Variants in UNC119B observed in about 807,000 individuals in gnomAD.
The protein encoded by UNC119B is protein unc-119 homolog B.
Under a neutral mutation model 23.4 loss-of-function variants are expected in UNC119B, and 16 were observed. That is an observed-to-expected ratio of 0.68 (90% CI 0.46 to 1.04). The LOEUF (loss-of-function observed/expected upper bound fraction) is 1.04, where lower values mean the gene tolerates loss of function less well. Ranked by LOEUF, UNC119B falls within the 50% of genes least tolerant of loss-of-function variation. The pLI is 0.00. For synonymous variants in UNC119B, 144 were observed against 145.4 expected (o/e 0.99, Z 0.07); for missense variants, 350 against 361.3 (o/e 0.97, Z 0.25).
intron 2 of UNC119B, among the ~76,000 whole-genome samples, chr12:120,714,284 A>C (rs1420934174): frequency 6.6e-6 from 1 of 151,754 alleles, no homozygotes; most frequent in Non-Finnish European, 1.5e-5. Flanking sequence ...GCTCAAGTTC[A>C]TGGGTAATTT....
Position 120,716,614 on chromosome 12 carries a change from G to A in UNC119B, c.359-14G>A. On this transcript the variant is annotated splice_polypyrimidine_tract_variant and intron_variant, in intron 2 of 4. Transcript: ENST00000344651. ...GTCGAGATGGTGCACTGAAGATTCT[G>A]TGTGCTCTTTCAGACCAGGAGGAGG... 5 of 1,613,746 alleles carry A rather than the reference G, an allele frequency of 3.1e-6. No homozygotes were observed. The highest frequency in any genetic ancestry group is 3.4e-6 in the Non-Finnish European group (4 of 1,179,702).
chr12:120,717,255 GTTTGTT>G (rs758169372), intron 4 of UNC119B, among the ~76,000 whole-genome samples: 3 of 152,090 alleles, frequency 2.0e-5, no homozygotes, highest in African/African-American at 7.2e-5. Flanking sequence ...TGAAGGGTTT[GTTTGTT>G]TTTGTTTTTG....
chr12:120,720,025 G>A lies in UNC119B; in HGVS notation c.749G>A (p.Gly250Asp). The change falls in exon 5 of 5, where the codon GGC becomes GAC. Residue 250 changes from glycine (G) to aspartate (D), a missense_variant. Gly to Asp is a moderately conservative substitution (Grantham distance 94, BLOSUM62 -1). Coordinates refer to ENST00000344651, the MANE Select transcript of UNC119B (RefSeq NM_001080533.3). ...HNKADYAYNG[G>D]Q is the part of the protein sequence containing the mutation. ...AAGGCTGATTATGCCTATAATGGAG[G>A]CCAGTAAGTGCTGCAAGAGTAGATA... 1.9e-6 allele frequency: 3 copies of A among 1,612,002 alleles called. No homozygotes were observed. Among genetic ancestry groups the A allele is most frequent in the Non-Finnish European group, 2.5e-6 (3 of 1,178,246 alleles).
chr12:120,719,712 A>T (rs1882848813), intron 4 of UNC119B, among the ~76,000 whole-genome samples: 1 of 152,070 alleles, frequency 6.6e-6, no homozygotes, highest in Admixed American at 6.5e-5. Flanking sequence ...GTTGAAATGG[A>T]GATCATGTTC....
intron 4 of UNC119B, among the ~76,000 whole-genome samples, chr12:120,718,163 C>T (rs55647329): frequency 0.17 from 25,922 of 152,142 alleles, 2,479 homozygotes; most frequent in African/African-American, 0.26. Flanking sequence ...CCACTGCGCC[C>T]GGCCGGTCTG....
In UNC119B at chr12:120,716,730, T is replaced by C. The variant is rs747339592; in HGVS notation, c.461T>C (p.Val154Ala). 3.1e-6 allele frequency: 5 copies of C among 1,614,000 alleles called. No homozygotes were observed. Among genetic ancestry groups the C allele is most frequent in the Non-Finnish European group, 4.2e-6 (5 of 1,179,970 alleles). ...CCGGCATTTCTCCGCCTCCGGACAG[T>C]CGGGGCTACGTGAGTACCATTACTA... ...FTPAFLRLRT[V>A]GATVEFTVGD... is the part of the protein sequence containing the mutation. The change falls in exon 3 of 5, where the codon GTC (valine) becomes GCC (alanine). Residue 154 changes from valine (V) to alanine (A), a missense_variant. Physicochemically the swap from Val to Ala is moderately conservative, Grantham distance 64. Transcript: ENST00000344651.
In UNC119B at chr12:120,720,088, A is replaced by G; in HGVS notation, c.*56A>G. The G allele has an allele frequency of 1.5e-6, 2 of 1,338,344 alleles. No homozygotes were observed. Among genetic ancestry groups the G allele is most frequent in the Non-Finnish European group, 2.1e-6 (2 of 934,734 alleles). The allele number at this position is 1,338,344 out of a possible 1,614,324, so 82.9% of individuals were successfully genotyped here. ...TGCCGCGGCCACAAGATCCTGGCAC[A>G]CGGAGATGATCGAAGCTGCAGTTTG... On this transcript the variant is annotated 3_prime_UTR_variant, in exon 5 of 5. Transcript: ENST00000344651.
At chr12:120,718,499 C>T (rs892467948) in intron 4 of UNC119B, among the ~76,000 whole-genome samples, 2 of 151,824 alleles carry the variant, frequency 1.3e-5, no homozygotes, top group African/African-American at 2.4e-5. Context: ...GATTTTGGGG[C>T]AGGAGTGAGA....
Position 120,722,128 on chromosome 12 carries a change from T to C in UNC119B, c.*2096T>C, listed in dbSNP as rs1021047353. The C allele has an allele frequency of 4.6e-4, 70 of 152,292 alleles. No homozygotes were observed. Among genetic ancestry groups the C allele is most frequent in the African/African-American group, 1.6e-3 (65 of 41,456 alleles). 9.4% of individuals were successfully genotyped at this position (152,292 alleles called of 1,614,324 possible). A position where few individuals can be genotyped will look rare whatever the true frequency, so the allele number is the denominator to read the frequency against. On this transcript the variant is annotated 3_prime_UTR_variant, in exon 5 of 5. Transcript: ENST00000344651. ...GGGCACACTGTATCTGCTACATTAG[T>C]GGGCTATCTCTTATCTGCAGTGTTC... is the stretch of plus-strand genomic sequence containing the variant.
rs746655217 is a variant in UNC119B at position 120,713,356 on chromosome 12, A to G, written c.327A>G (p.Val109=). 2 of 1,614,148 alleles carry G rather than the reference A, an allele frequency of 1.2e-6. No individual in the cohort carries two copies. The highest frequency in any genetic ancestry group is 3.3e-5 in the Admixed American group (2 of 60,024). The change falls in exon 2 of 5, where the codon GTA becomes GTG. Residue 109 remains valine, a synonymous_variant. Transcript: ENST00000344651. ...TTCGAGATTTGGAGACAGGGACAGT[A>G]CTTTTTGAGATTGCCAAACCTTGCG... ...FKIRDLETGT[V]LFEIAKPCVS...
chr12:120,718,971 A>C (rs943342151), intron 4 of UNC119B, among the ~76,000 whole-genome samples: 2 of 152,236 alleles, frequency 1.3e-5, no homozygotes, highest in African/African-American at 4.8e-5. Flanking sequence ...TTGCAAGAAA[A>C]GATGATGTAT....
chr12:120,716,891 C>G lies in UNC119B; in HGVS notation c.492C>G (p.Asp164Glu), dbSNP rs1882791118. 3 of 1,611,782 alleles carry G rather than the reference C, an allele frequency of 1.9e-6. No homozygotes were observed. The African/African-American group carries it at 4.0e-5, about 22-fold the overall frequency. The change falls in exon 4 of 5, where the codon GAC becomes GAG. Residue 164 changes from aspartate to glutamate, a missense_variant. Asp to Glu is a conservative substitution (Grantham distance 45). Transcript: ENST00000344651. ...CCAGGGTGGAGTTCACAGTGGGAGACAAACCTGTTTCAAACTTCCGGATGA... is the reference window on the plus strand; with the variant it reads ...CCAGGGTGGAGTTCACAGTGGGAGAGAAACCTGTTTCAAACTTCCGGATGA... ...VGATVEFTVG[D>E]KPVSNFRMIE...
At chr12:120,711,492 T>G (rs1882668289) in intron 1 of UNC119B, 1 of 152,244 alleles carries the variant, frequency 6.6e-6, no homozygotes, top group Non-Finnish European at 1.5e-5. Flanking sequence ...AAGAAAAATG[T>G]TGCCCAGTCC....
At chr12:120,714,311 T>TG (rs200171851) in intron 2 of UNC119B, among the ~76,000 whole-genome samples, 72 of 151,362 alleles carry the variant, frequency 4.8e-4, no homozygotes, top group African/African-American at 1.6e-3. Flanking sequence ...TGTTGTTTTG[T>TG]GGGTTTTTTT....
At chr12:120,714,472 C>G (rs970581794) in intron 2 of UNC119B, among the ~76,000 whole-genome samples, 2 of 152,150 alleles carry the variant, frequency 1.3e-5, no homozygotes, top group Non-Finnish European at 2.9e-5. Flanking sequence ...AGGTGCCCAC[C>G]ACCATGCCTA....
At chr12:120,712,425 T>C (rs1172705005) in intron 1 of UNC119B, among the ~76,000 whole-genome samples, 2 of 152,230 alleles carry the variant, frequency 1.3e-5, no homozygotes, top group African/African-American at 4.8e-5. Context: ...GAAGATGCTA[T>C]CCGGAATCAT....
At chr12:120,719,032 A>T (rs1882837254) in intron 4 of UNC119B, among the ~76,000 whole-genome samples, 1 of 152,252 alleles carries the variant, frequency 6.6e-6, no homozygotes, top group Non-Finnish European at 1.5e-5. Context: ...GGGCAATATT[A>T]TGCATATAAA....
At chr12:120,715,314 G>A (rs908692902) in intron 2 of UNC119B, among the ~76,000 whole-genome samples, 6 of 152,198 alleles carry the variant, frequency 3.9e-5, no homozygotes, top group Admixed American at 3.3e-4. Context: ...CATTGTTGGA[G>A]CCAGGGTTTT....
At position 120,721,299 on chromosome 12, in the gene UNC119B, G is replaced by A. The variant is rs1882896374; in HGVS notation, c.*1267G>A. 6.6e-6 allele frequency: 1 copy of A among 152,164 alleles called. No homozygotes were observed. The highest frequency in any genetic ancestry group is 1.5e-5 in the Non-Finnish European group (1 of 68,038). The allele number at this position is 152,164 out of a possible 1,614,324, so 9.4% of individuals were successfully genotyped here. A position where few individuals can be genotyped will look rare whatever the true frequency, so the allele number is the denominator to read the frequency against. The stretch of plus-strand genomic sequence containing the variant: ...CAAAAAAGTTCACTTGCACATCTGT[G>A]GGCTGCTTTTGTCCTCAGACCCTTA... On this transcript the variant is annotated 3_prime_UTR_variant, in exon 5 of 5. Coordinates refer to ENST00000344651, the MANE Select transcript of UNC119B (RefSeq NM_001080533.3).
Sources: allele counts gnomAD v4.1 joint callset (sites outside exome capture counted in the v4.1 genomes callset), GRCh38; gene constraint gnomAD v4.1.1; transcripts MANE v1.5; gene names NCBI Gene and HGNC (gene_info 2026-07-23, HGNC 2026-07-21).